COL8A2: variants seen among roughly 807,000 people sequenced by gnomAD.
COL8A2 encodes collagen alpha-2(VIII) chain.
A neutral mutation model predicts 24.0 loss-of-function variants in COL8A2; 16 were observed. The ratio of observed to expected loss-of-function variants is 0.67; its 90% confidence interval spans 0.45 to 1.01. The LOEUF is 1.01. Ranked by LOEUF, COL8A2 falls within the 50% of genes least tolerant of loss-of-function variation. The pLI, the probability that COL8A2 is intolerant of heterozygous loss-of-function variation, is 0.00. For synonymous variants in COL8A2, 466 were observed against 424.5 expected (o/e 1.10, Z -1.20); for missense variants, 818 against 942.4 (o/e 0.87, Z 1.73).
intron 1 of COL8A2, among the ~76,000 whole-genome samples, chr1:36,120,115 C>CCTG (rs1293883181): frequency 3.3e-5 from 5 of 152,112 alleles, no homozygotes; most frequent in African/African-American, 4.8e-5. Flanking sequence ...CCTTCTCATG[C>CCTG]CTGCTATTCC....
intron 1 of COL8A2, among the ~76,000 whole-genome samples, chr1:36,116,324 C>G (rs1394791683): frequency 6.6e-6 from 1 of 152,172 alleles, no homozygotes; most frequent in Non-Finnish European, 1.5e-5. Context: ...CAAGGAGTTC[C>G]TACTGTCCTA....
intron 2 of COL8A2, among the ~76,000 whole-genome samples, chr1:36,112,401 T>G (rs1184980314): frequency 6.6e-6 from 1 of 152,180 alleles, no homozygotes; most frequent in Non-Finnish European, 1.5e-5. Flanking sequence ...ACTCAGCTCC[T>G]ACTCATCACC....
At chr1:36,121,321 G>A (rs1171672866) in intron 1 of COL8A2, among the ~76,000 whole-genome samples, 16 of 145,532 alleles carry the variant, frequency 1.1e-4, no homozygotes, top group African/African-American at 3.0e-4. Context: ...CCTGGGAGGC[G>A]GAGGTTGCAG....
At chr1:36,100,441 C>T (rs919475871) in intron 2 of COL8A2, among the ~76,000 whole-genome samples, 183 bp from the exon 3 acceptor site, 1 of 152,160 alleles carries the variant, frequency 6.6e-6, no homozygotes, top group African/African-American at 2.4e-5. Context: ...TCTGCATAAG[C>T]CACCTCCTAA....
intron 2 of COL8A2, among the ~76,000 whole-genome samples, chr1:36,110,410 C>T (rs549971406): frequency 6.6e-6 from 1 of 152,192 alleles, no homozygotes; most frequent in Non-Finnish European, 1.5e-5. Context: ...CAACTTCTTT[C>T]CTCCATCTCT....
At position 36,113,754 on chromosome 1, in the gene COL8A2, C is replaced by A. The variant is rs79455518; in HGVS notation, c.-17+1954G>T. On this transcript the variant is annotated intron_variant, in intron 2 of 3. Coordinates refer to ENST00000397799, the MANE Select transcript of COL8A2 (RefSeq NM_005202.4). ...CCACCTGGTCTGCCCTACCAGACTT[C>A]AGTTCCACCTAACAGTCCCAACATC... 0.011 allele frequency among the ~76,000 whole-genome samples: 1,698 copies of A among 152,342 alleles called. 66 individuals are homozygous for A. The East Asian group carries it at 0.14, about 13-fold the overall frequency.
intron 1 of COL8A2, among the ~76,000 whole-genome samples, chr1:36,118,150 A>T (rs992499776): frequency 6.6e-6 from 1 of 152,146 alleles, no homozygotes; most frequent in Non-Finnish European, 1.5e-5. Context: ...GTAACCCTGG[A>T]AGGTTGGAAC....
chr1:36,115,668 C>A lies in COL8A2; in HGVS notation c.-17+40G>T. 1 of 978,192 alleles carries A rather than the reference C, an allele frequency of 1.0e-6. No individual in the cohort carries two copies. Among genetic ancestry groups the A allele is most frequent in the Non-Finnish European group, 1.2e-6 (1 of 823,482 alleles). 60.6% of individuals were successfully genotyped at this position (978,192 alleles called of 1,614,324 possible). A position where few individuals can be genotyped will look rare whatever the true frequency, so the allele number is the denominator to read the frequency against. On this transcript the variant is annotated intron_variant, in intron 2 of 3. Transcript: ENST00000397799. The surrounding 1 kb of genome is among the most constrained non-coding windows in gnomAD (Gnocchi z 5.7). ...AGCAATGAACACAGGCCTCATCTGG[C>A]CTGAGATATCAGAAAACCCCATCCC...
chr1:36,125,029 GC>G lies in COL8A2; in HGVS notation c.-62+27del. 4.3e-6 allele frequency: 4 copies of G among 938,150 alleles called. No homozygotes were observed. Among genetic ancestry groups the G allele is most frequent in the Non-Finnish European group, 3.8e-6 (3 of 786,842 alleles). 58.1% of individuals were successfully genotyped at this position (938,150 alleles called of 1,614,324 possible). ...TTGCCCTCGGAGCCCCCCAGCCCGAGCCCCGGTGCCCGCCTCCTGGCCTTTA... is the reference window on the plus strand; with the variant it reads ...TTGCCCTCGGAGCCCCCCAGCCCGAGCCCGGTGCCCGCCTCCTGGCCTTTA... On this transcript the variant is annotated intron_variant, in intron 1 of 3. Coordinates refer to ENST00000397799, the MANE Select transcript of COL8A2 (RefSeq NM_005202.4). This position sits in a 1 kb window ranked among gnomAD's most constrained non-coding sequence, Gnocchi z 4.5.
rs1446483855 is a variant in COL8A2 at position 36,097,446 on chromosome 1, G to C, written c.*123C>G. The C allele has an allele frequency of 3.7e-6, 3 of 811,010 alleles. No homozygotes were observed. The highest frequency in any genetic ancestry group is 2.3e-5 in the Admixed American group (1 of 43,082). 50.2% of individuals were successfully genotyped at this position (811,010 alleles called of 1,614,324 possible). A position where few individuals can be genotyped will look rare whatever the true frequency, so the allele number is the denominator to read the frequency against. Reference sequence around the variant, plus strand: ...GGGAGAAAGCAAGTTAGTCTCCTCGGGCCAAGGCCACGGCCGCCTCTGTTC... The same window carrying C: ...GGGAGAAAGCAAGTTAGTCTCCTCGCGCCAAGGCCACGGCCGCCTCTGTTC... On this transcript the variant is annotated 3_prime_UTR_variant, in exon 4 of 4. Coordinates refer to ENST00000397799, the MANE Select transcript of COL8A2 (RefSeq NM_005202.4).
At chr1:36,120,625 G>A (rs1643905481) in intron 1 of COL8A2, among the ~76,000 whole-genome samples, 1 of 151,966 alleles carries the variant, frequency 6.6e-6, no homozygotes, top group South Asian at 2.1e-4. Context: ...GCGTGTGCCT[G>A]TAATCCCAGC....
chr1:36,100,923 A>C (rs1366340210), intron 2 of COL8A2, among the ~76,000 whole-genome samples: 1 of 65,060 alleles, frequency 1.5e-5, no homozygotes, highest in Non-Finnish European at 2.8e-5. Context: ...TTTTTGAGAC[A>C]GTTTTGCTCG....
rs747108574 is a variant in COL8A2 at position 36,098,353 on chromosome 1, G to A, written c.1328C>T (p.Ala443Val). The A allele has an allele frequency of 2.8e-5, 44 of 1,551,264 alleles. 1 individual carries two copies. The Middle Eastern group carries it at 5.8e-4, about 21-fold the overall frequency. The change falls in exon 4 of 4, where the codon GCC becomes GTC. Residue 443 changes from alanine to valine, a missense_variant. Transcript: ENST00000397799. Reference sequence around the variant, plus strand: ...CCCCAAGTCACCTTTCTGCCCCAGGGCTCCTGCCACCCCTGGTCCTCCAGG... The same window carrying A: ...CCCCAAGTCACCTTTCTGCCCCAGGACTCCTGCCACCCCTGGTCCTCCAGG... The part of the protein sequence containing the change: ...GRPGGPGVAG[A>V]LGQKGDLGLP...
chr1:36,097,239 C>T lies in COL8A2; in HGVS notation c.*330G>A, dbSNP rs752148816. On this transcript the variant is annotated 3_prime_UTR_variant, in exon 4 of 4. Coordinates refer to ENST00000397799, the MANE Select transcript of COL8A2 (RefSeq NM_005202.4). Reference sequence around the variant, plus strand: ...GCCAGTGGGAAGGGCTGTCTCCCCACGTGGCGGGGTGGGGAGTTGAGCTCC... The same window carrying T: ...GCCAGTGGGAAGGGCTGTCTCCCCATGTGGCGGGGTGGGGAGTTGAGCTCC... 9 of 257,538 alleles carry T rather than the reference C, an allele frequency of 3.5e-5. No homozygotes were observed. The highest frequency in any genetic ancestry group is 8.1e-5 in the East Asian group (1 of 12,370). The allele number at this position is 257,538 out of a possible 1,614,324, so 16.0% of individuals were successfully genotyped here.
intron 2 of COL8A2, among the ~76,000 whole-genome samples, chr1:36,113,536 G>A (rs1643864803): frequency 6.6e-6 from 1 of 152,268 alleles, no homozygotes; most frequent in South Asian, 2.1e-4. Context: ...TCTGGGAAGG[G>A]ACTTGGCGGG....
rs1643634215 is a variant in COL8A2 at position 36,099,220 on chromosome 1, A to G, written c.461T>C (p.Leu154Pro). Residue 154 changes from leucine to proline, a missense_variant, in exon 4 of 4, where the codon CTC becomes CCC. Coordinates refer to ENST00000397799, the MANE Select transcript of COL8A2 (RefSeq NM_005202.4). ...GEPGIRGDQGLRGPPGPPGLP... is the reference protein window; with the variant it reads ...GEPGIRGDQGPRGPPGPPGLP... ...GCCAGGGGGTCCTGGGGGTCCCCGG[A>G]GGCCCTGGTCCCCTCGTATTCCTGG... 3 of 1,537,018 alleles carry G rather than the reference A, an allele frequency of 2.0e-6. No individual in the cohort carries two copies. Among genetic ancestry groups the G allele is most frequent in the Non-Finnish European group, 8.8e-7 (1 of 1,140,960 alleles).
In COL8A2 at chr1:36,099,290, G is replaced by A; in HGVS notation, c.391C>T (p.Pro131Ser). 1 of 1,563,348 alleles carries A rather than the reference G, an allele frequency of 6.4e-7. No homozygotes were observed. ...RMGKAGPPGL[P>S]GKVGPPGQPG... Reference sequence around the variant, plus strand: ...TGCCCTGGTGGCCCGACCTTGCCAGGGAGCCCTGGGGGACCAGCCTTGCCC... The same window carrying A: ...TGCCCTGGTGGCCCGACCTTGCCAGAGAGCCCTGGGGGACCAGCCTTGCCC... Residue 131 changes from proline to serine, a missense_variant, in exon 4 of 4, where the codon CCT (proline) becomes TCT (serine). Transcript: ENST00000397799.
In COL8A2 at chr1:36,100,120, C is replaced by T; in HGVS notation, c.123G>A (p.Val41=). 1 of 1,613,152 alleles carries T rather than the reference C, an allele frequency of 6.2e-7. No homozygotes were observed. Among genetic ancestry groups the T allele is most frequent in the Non-Finnish European group, 8.5e-7 (1 of 1,179,552 alleles). ...GAGGAAGYAP[V]KYIQPMQKGP... is the part of the protein sequence containing the mutation. ...CTTTCTGCATGGGCTGGATGTACTT[C>T]ACTGGGGCATAGCCCGCCGCCCCAC... Residue 41 remains valine (V), a synonymous_variant, in exon 3 of 4, where the codon GTG becomes GTA. Transcript: ENST00000397799.
At chr1:36,112,299 G>C (rs368841300) in intron 2 of COL8A2, among the ~76,000 whole-genome samples, 2 of 151,978 alleles carry the variant, frequency 1.3e-5, no homozygotes, top group African/African-American at 4.8e-5. Context: ...CACCGCGCCC[G>C]GCCTATTTTT....
Sources: allele counts gnomAD v4.1 joint callset (sites outside exome capture counted in the v4.1 genomes callset), GRCh38; gene constraint gnomAD v4.1.1; non-coding constraint Gnocchi (gnomAD v3.1); transcripts MANE v1.5; gene names NCBI Gene and HGNC (gene_info 2026-07-23, HGNC 2026-07-21).